Variants in VCAM1 observed in about 807,000 individuals in gnomAD.
The protein encoded by VCAM1 is vascular cell adhesion protein 1.
A neutral mutation model predicts 63.8 loss-of-function variants in VCAM1; 41 were observed. The ratio of observed to expected loss-of-function variants is 0.64; its 90% CI spans 0.50 to 0.83. VCAM1 has a LOEUF of 0.83. VCAM1 is among the 40% of genes least tolerant of loss of function. VCAM1 has a pLI of 0.00. For missense variants in VCAM1, 798 were observed against 875.5 expected (o/e 0.91, Z 1.12); for synonymous variants, 338 against 320.7 (o/e 1.05, Z -0.58).
At chr1:100,735,850 A>G (rs756802698) in intron 8 of VCAM1, 1 of 152,200 alleles carries the variant, frequency 6.6e-6, no homozygotes, top group African/African-American at 2.4e-5. Flanking sequence ...GATCTAGCCA[A>G]TGAAGTTACT....
In VCAM1 at chr1:100,732,401, C is replaced by T. The variant is rs565109337; in HGVS notation, c.1526-17C>T. 17 of 1,527,066 alleles carry T rather than the reference C, an allele frequency of 1.1e-5. No individual in the cohort carries two copies. The East Asian group carries it at 1.9e-4, about 17-fold the overall frequency. 94.6% of individuals were successfully genotyped at this position (1,527,066 alleles called of 1,614,324 possible). A position where few individuals can be genotyped will look rare whatever the true frequency, so the allele number is the denominator to read the frequency against. ...GGGCATAATAGGTCAAGCTAACAAG[C>T]GTCTCTGCCTTTTCAGTTGCCCCCA... On this transcript the variant is annotated splice_polypyrimidine_tract_variant and intron_variant, in intron 6 of 8. Transcript: ENST00000294728.
rs1263456843 is a variant in VCAM1 at position 100,731,623 on chromosome 1, A to G, written c.1525+105A>G. On this transcript the variant is annotated intron_variant, in intron 6 of 8. Transcript: ENST00000294728. This position sits in a 1 kb window ranked among gnomAD's most constrained non-coding sequence, Gnocchi z 4.2. Reference sequence around the variant, plus strand: ...AATCGTTAAAACCTCTGTGGAGAAAAAACGTTACTGAAAAGAAATTTCAAA... The same window carrying G: ...AATCGTTAAAACCTCTGTGGAGAAAGAACGTTACTGAAAAGAAATTTCAAA... 9.1e-7 allele frequency: 1 copy of G among 1,101,740 alleles called. No individual in the cohort carries two copies. Among genetic ancestry groups the G allele is most frequent in the Non-Finnish European group, 1.3e-6 (1 of 782,918 alleles). The allele number at this position is 1,101,740 out of a possible 1,614,324, so 68.2% of individuals were successfully genotyped here.
rs76385982 is a variant in VCAM1 at position 100,726,795 on chromosome 1, A to G, written c.928+1905A>G. Among the ~76,000 whole-genome samples the G allele has an allele frequency of 5.8e-3, 890 of 152,204 alleles. 10 individuals are homozygous for G. The highest frequency in any genetic ancestry group is 0.021 in the African/African-American group (853 of 41,552). ...AACTAGGAAGGAAGGACAGGCATAT[A>G]AATAGGTAACGCAAATATTCCTTAG... On this transcript the variant is annotated intron_variant, in intron 4 of 8. Coordinates refer to ENST00000294728, the MANE Select transcript of VCAM1 (RefSeq NM_001078.4).
chr1:100,729,407 C>A, intron 5 of VCAM1, 25 bp downstream of exon 5: 1 of 1,421,500 alleles, frequency 7.0e-7, no homozygotes, highest in Non-Finnish European at 9.3e-7. Context: ...GAATTGTTTA[C>A]TGTTTTTTTT....
rs1214443885 is a variant in VCAM1 at position 100,724,665 on chromosome 1, A to C, written c.703A>C (p.Lys235Gln). 1 of 1,613,052 alleles carries C rather than the reference A, an allele frequency of 6.2e-7. No individual in the cohort carries two copies. Among genetic ancestry groups the C allele is most frequent in the Admixed American group, 1.7e-5 (1 of 59,864 alleles). ...NTVISVNPST[K>Q]LQEGGSVTMT... is the part of the protein sequence containing the mutation. ...AGTTATTTCTGTGAATCCATCCACA[A>C]AGCTGCAAGAAGGTGGCTCTGTGAC... The change falls in exon 4 of 9, where the codon AAG (lysine) becomes CAG (glutamine). Residue 235 changes from lysine to glutamine, a missense_variant. Lys to Gln is a moderately conservative substitution (Grantham distance 53). Transcript: ENST00000294728.
intron 7 of VCAM1, among the ~76,000 whole-genome samples, chr1:100,733,139 G>T (rs897255103): frequency 6.6e-6 from 1 of 152,178 alleles, no homozygotes; most frequent in African/African-American, 2.4e-5. Flanking sequence ...GAGATTATGA[G>T]TAGCCATGAC....
intron 7 of VCAM1, 108 bp from the exon 8 acceptor site, chr1:100,734,394 C>A: frequency 8.1e-7 from 1 of 1,241,634 alleles, no homozygotes; most frequent in Non-Finnish European, 1.1e-6. Flanking sequence ...TTAATGCAAA[C>A]GCTAAGCACA....
intron 7 of VCAM1, 93 bp from the exon 8 acceptor site, chr1:100,734,409 G>T (rs1380410541): frequency 3.7e-6 from 5 of 1,368,820 alleles, no homozygotes; most frequent in South Asian, 2.9e-5. Context: ...AGCACAAATA[G>T]CTCCAGGGAA....
At position 100,731,287 on chromosome 1, in the gene VCAM1, C is replaced by T. The variant is rs971110131; in HGVS notation, c.1294C>T (p.Pro432Ser). 2 of 1,613,618 alleles carry T rather than the reference C, an allele frequency of 1.2e-6. No individual in the cohort carries two copies. The highest frequency in any genetic ancestry group is 8.5e-7 in the Non-Finnish European group (1 of 1,179,850). Residue 432 changes from proline (P) to serine (S), a missense_variant, in exon 6 of 9, where the codon CCC (proline) becomes TCC (serine). By Grantham distance (74) the Pro-to-Ser change is moderately conservative. Transcript: ENST00000294728. This position sits in a 1 kb window ranked among gnomAD's most constrained non-coding sequence, Gnocchi z 4.2. ...TVSCKVPSVYPLDRLEIELLK... is the reference protein window; with the variant it reads ...TVSCKVPSVYSLDRLEIELLK... ...AAGCTGCAAGGTTCCTAGCGTGTACCCCCTTGACCGGCTGGAGATTGAATT... is the reference window on the plus strand; with the variant it reads ...AAGCTGCAAGGTTCCTAGCGTGTACTCCCTTGACCGGCTGGAGATTGAATT...
At position 100,731,567 on chromosome 1, in the gene VCAM1, G is replaced by A. The variant is rs371673376; in HGVS notation, c.1525+49G>A. ...ACAGTTTAATACCTGTCTCTTTATC[G>A]TGTTTGCCAGGCAATAGTTAACATA... On this transcript the variant is annotated intron_variant, in intron 6 of 8. Transcript: ENST00000294728. The surrounding 1 kb of genome is among the most constrained non-coding windows in gnomAD (Gnocchi z 4.2). The A allele has an allele frequency of 2.6e-4, 391 of 1,508,892 alleles. 1 individual carries two copies. In the African/African-American group the frequency reaches 3.2e-3, roughly 13 times the overall value. The allele number at this position is 1,508,892 out of a possible 1,614,324, so 93.5% of individuals were successfully genotyped here.
Position 100,731,240 on chromosome 1 carries a change from T to A in VCAM1, c.1247T>A (p.Val416Glu). The A allele has an allele frequency of 6.2e-7, 1 of 1,613,142 alleles. No homozygotes were observed. The highest frequency in any genetic ancestry group is 1.7e-5 in the Admixed American group (1 of 59,896). ...DPEIEMSGGL[V>E]NGSSVTVSCK... Reference sequence around the variant, plus strand: ...GAAATCGAGATGAGTGGTGGCCTCGTGAATGGGAGCTCTGTCACTGTAAGC... The same window carrying A: ...GAAATCGAGATGAGTGGTGGCCTCGAGAATGGGAGCTCTGTCACTGTAAGC... The change falls in exon 6 of 9, where the codon GTG becomes GAG. Residue 416 changes from valine (V) to glutamate (E), a missense_variant. Val to Glu is a moderately radical substitution (Grantham distance 121, BLOSUM62 -2). Coordinates refer to ENST00000294728, the MANE Select transcript of VCAM1 (RefSeq NM_001078.4). This position sits in a 1 kb window ranked among gnomAD's most constrained non-coding sequence, Gnocchi z 4.2.
In VCAM1 at chr1:100,724,875, G is replaced by GAATT; in HGVS notation, c.918_921dup (p.Val308AsnfsTer10). On this transcript the variant is annotated frameshift_variant, in exon 4 of 9. Transcript: ENST00000294728. LOFTEE classifies it high-confidence loss of function. ...GATTGGGAAAAACAGAAAAGAGGTGGAATTAATTGTTCAAGGTGAGTAGAA... is the reference window on the plus strand; with the variant it reads ...GATTGGGAAAAACAGAAAAGAGGTGGAATTAATTAATTGTTCAAGGTGAGTAGAA... 1 of 1,612,460 alleles carries GAATT rather than the reference G, an allele frequency of 6.2e-7. No homozygotes were observed. The highest frequency in any genetic ancestry group is 8.5e-7 in the Non-Finnish European group (1 of 1,179,084).
chr1:100,737,194 T>A (rs575273346), intron 8 of VCAM1: 1 of 152,258 alleles, frequency 6.6e-6, no homozygotes, highest in Non-Finnish European at 1.5e-5. Context: ...AAAATGTTAT[T>A]AGTGTTTAAA....
chr1:100,721,678 C>T (rs1659961754), intron 2 of VCAM1, among the ~76,000 whole-genome samples: 1 of 152,042 alleles, frequency 6.6e-6, no homozygotes, highest in African/African-American at 2.4e-5. Context: ...ATGTGTTGCT[C>T]AAGCTTCCCA....
At chr1:100,722,857 C>G (rs1412792887) in intron 2 of VCAM1, among the ~76,000 whole-genome samples, 163 bp from the exon 3 acceptor site, 1 of 152,022 alleles carries the variant, frequency 6.6e-6, no homozygotes, top group African/African-American at 2.4e-5. Context: ...AATTCTTGTG[C>G]CTTGAACTCA....
At position 100,737,839 on chromosome 1, in the gene VCAM1, A is replaced by T. The variant is rs3176877; in HGVS notation, c.2060-284A>T. The T allele has an allele frequency of 0.55, 118,705 of 215,674 alleles. 35,316 individuals are homozygous for T. The highest frequency in any genetic ancestry group is 0.65 in the Non-Finnish European group (71,034 of 108,738). The allele number at this position is 215,674 out of a possible 1,614,324, so 13.4% of individuals were successfully genotyped here. On this transcript the variant is annotated intron_variant, in intron 8 of 8. Transcript: ENST00000294728. ...ATTCCTGTTCTTGTTAAAAACTTGT[A>T]CCCTCCCTTCCATTTTACAACTGAA... is the stretch of plus-strand genomic sequence containing the variant.
Position 100,732,586 on chromosome 1 carries a change from C to A in VCAM1, c.1694C>A (p.Thr565Asn), listed in dbSNP as rs751269288. ...LQPLSENATL[T>N]LISTKMEDSG... is the part of the protein sequence containing the mutation. ...CCTCTTTCTGAGAATGCAACTCTCA[C>A]CTTAATTTCTACAAAAATGGAAGAT... Residue 565 changes from threonine (T) to asparagine (N), a missense_variant, in exon 7 of 9, where the codon ACC becomes AAC. Transcript: ENST00000294728. 1 of 1,613,182 alleles carries A rather than the reference C, an allele frequency of 6.2e-7. No individual in the cohort carries two copies. The highest frequency in any genetic ancestry group is 8.5e-7 in the Non-Finnish European group (1 of 1,179,720).
chr1:100,725,618 A>G lies in VCAM1; in HGVS notation c.928+728A>G, dbSNP rs542541813. Among the ~76,000 whole-genome samples, 9 of 152,120 alleles carry G rather than the reference A, an allele frequency of 5.9e-5. No individual in the cohort carries two copies. In the South Asian group the frequency reaches 6.2e-4, roughly 11 times the overall value. ...TTTTATCTCATTAATCTTTACCACA[A>G]CACTATTAAAAACCCAGGCTCAGCA... On this transcript the variant is annotated intron_variant, in intron 4 of 8. Coordinates refer to ENST00000294728, the MANE Select transcript of VCAM1 (RefSeq NM_001078.4).
intron 4 of VCAM1, among the ~76,000 whole-genome samples, chr1:100,725,362 T>G (rs1660124946): frequency 6.6e-6 from 1 of 152,070 alleles, no homozygotes; most frequent in Non-Finnish European, 1.5e-5. Context: ...TGCCTTAGTT[T>G]ATCATCTCTC....
Sources: allele counts gnomAD v4.1 joint callset (sites outside exome capture counted in the v4.1 genomes callset), GRCh38; gene constraint gnomAD v4.1.1; non-coding constraint Gnocchi (gnomAD v3.1); transcripts MANE v1.5; gene names NCBI Gene and HGNC (gene_info 2026-07-23, HGNC 2026-07-21).